Variants in SCAMP1 observed in about 807,000 individuals in gnomAD.
SCAMP1 encodes the protein secretory carrier membrane protein 1, also known as secretory carrier-associated membrane protein 1.
A neutral mutation model predicts 41.8 loss-of-function variants in SCAMP1; 15 were observed. The ratio of observed to expected loss-of-function variants is 0.36; its 90% CI spans 0.24 to 0.55. SCAMP1 has a LOEUF of 0.55. Among genes scored for constraint, SCAMP1 ranks in the 20% least tolerant of loss-of-function variants. The pLI, the probability that SCAMP1 is intolerant of heterozygous loss-of-function variation, is 0.86. For missense variants in SCAMP1, 341 were observed against 412.6 expected, an observed-to-expected ratio of 0.83 and a Z score of 1.50; for synonymous variants, 135 against 136.8, an observed-to-expected ratio of 0.99 and a Z score of 0.09.
intron 1 of SCAMP1, among the ~76,000 whole-genome samples, chr5:78,384,803 A>T (rs1345730407): frequency 6.6e-6 from 1 of 152,116 alleles, no homozygotes; most frequent in East Asian, 1.9e-4. Context: ...TTATGAAACC[A>T]CTTGATTATG....
intron 2 of SCAMP1, among the ~76,000 whole-genome samples, chr5:78,413,785 G>C (rs751422736): frequency 6.6e-6 from 1 of 152,138 alleles, no homozygotes; most frequent in Non-Finnish European, 1.5e-5. Flanking sequence ...GTTATGCGTG[G>C]CTTCCTTTTC....
intron 4 of SCAMP1, 124 bp from the exon 5 acceptor site, chr5:78,418,651 T>C (rs1039168793): frequency 5.0e-5 from 33 of 659,192 alleles, no homozygotes; most frequent in African/African-American, 4.7e-4. Flanking sequence ...TACAAAGATA[T>C]AGTTCTACAG....
intron 1 of SCAMP1, among the ~76,000 whole-genome samples, chr5:78,362,252 T>C (rs1435243967): frequency 2.0e-5 from 3 of 152,262 alleles, no homozygotes; most frequent in Admixed American, 1.3e-4. Flanking sequence ...AAGAACCTTT[T>C]AGCCTTTCCT....
intron 2 of SCAMP1, among the ~76,000 whole-genome samples, chr5:78,415,282 GTGTT>G (rs1752183139): frequency 6.6e-6 from 1 of 152,124 alleles, no homozygotes; most frequent in Non-Finnish European, 1.5e-5. Context: ...CTGGAGGAGA[GTGTT>G]TGTCATATAG....
intron 2 of SCAMP1, among the ~76,000 whole-genome samples, chr5:78,414,029 G>GT (rs1318302345): frequency 3.5e-5 from 5 of 141,186 alleles, no homozygotes; most frequent in Admixed American, 1.4e-4. Context: ...CTTGTTTTTT[G>GT]TTTTTTTCTT....
At chr5:78,367,485 T>C (rs1030439815) in intron 1 of SCAMP1, among the ~76,000 whole-genome samples, 3 of 152,232 alleles carry the variant, frequency 2.0e-5, no homozygotes, top group Admixed American at 6.5e-5. Context: ...CTGTCTTTCA[T>C]GTAGCCTCTC....
intron 1 of SCAMP1, among the ~76,000 whole-genome samples, chr5:78,388,300 C>T (rs1160664699): frequency 6.6e-6 from 1 of 152,138 alleles, no homozygotes; most frequent in Non-Finnish European, 1.5e-5. Flanking sequence ...ATGTATTATA[C>T]TTGGAAAAGG....
At chr5:78,373,635 C>T (rs1750998099) in intron 1 of SCAMP1, among the ~76,000 whole-genome samples, 1 of 152,094 alleles carries the variant, frequency 6.6e-6, no homozygotes, top group Non-Finnish European at 1.5e-5. Context: ...TATCTTTAGG[C>T]ATATTATCTT....
intron 2 of SCAMP1, among the ~76,000 whole-genome samples, chr5:78,405,861 CCAGA>C (rs1445961922): frequency 1.3e-5 from 2 of 152,118 alleles, no homozygotes; most frequent in Non-Finnish European, 2.9e-5. Context: ...ACGTCCTTCC[CCAGA>C]CAATTATCCT....
In SCAMP1 at chr5:78,421,933, G is replaced by C; in HGVS notation, c.605G>C (p.Trp202Ser). The C allele has an allele frequency of 6.2e-7, 1 of 1,612,992 alleles. No homozygotes were observed. The highest frequency in any genetic ancestry group is 8.5e-7 in the Non-Finnish European group (1 of 1,179,484). ...LLFTPCSFVC[W>S]YRPLYGAFRS... ...TTTACTCCTTGTTCATTTGTCTGTT[G>C]GTACAGACCACTTTATGGAGCTTTC... is the stretch of plus-strand genomic sequence containing the variant. The change falls in exon 6 of 9, where the codon TGG becomes TCG. Residue 202 changes from tryptophan (W) to serine (S), a missense_variant. Coordinates refer to ENST00000621999, the MANE Select transcript of SCAMP1 (RefSeq NM_004866.6).
chr5:78,429,129 C>G (rs530939982), intron 6 of SCAMP1, among the ~76,000 whole-genome samples: 1 of 152,166 alleles, frequency 6.6e-6, no homozygotes, highest in African/African-American at 2.4e-5. Flanking sequence ...TTTAATCAAT[C>G]CACCTTCCTT....
chr5:78,368,573 T>C, intron 1 of SCAMP1, among the ~76,000 whole-genome samples: 1 of 152,360 alleles, frequency 6.6e-6, no homozygotes, highest in East Asian at 1.9e-4. Flanking sequence ...TTAAAATTAA[T>C]AATCCTATAG....
chr5:78,384,511 G>A (rs1466454996), intron 1 of SCAMP1, among the ~76,000 whole-genome samples: 2 of 151,988 alleles, frequency 1.3e-5, no homozygotes, highest in Non-Finnish European at 2.9e-5. Flanking sequence ...AGTGGTGAAA[G>A]TGGGCATCCT....
intron 6 of SCAMP1, among the ~76,000 whole-genome samples, chr5:78,430,178 C>CTGT (rs1752576250): frequency 2.1e-5 from 1 of 47,176 alleles, no homozygotes; most frequent in African/African-American, 8.6e-5. Context: ...TTTATAAATA[C>CTGT]AGTATTTATT....
intron 6 of SCAMP1, among the ~76,000 whole-genome samples, chr5:78,447,190 G>T (rs921514292): frequency 2.6e-5 from 4 of 152,176 alleles, no homozygotes; most frequent in Non-Finnish European, 5.9e-5. Context: ...TGTCTTCCAC[G>T]AAACAGGTCC....
chr5:78,416,506 G>C lies in SCAMP1; in HGVS notation c.235-35G>C, dbSNP rs1315619788. Reference sequence around the variant, plus strand: ...AAATGTTAAAGTATTTTATACTTCTGACAGTCTATTCACATATTGATATTT... The same window carrying C: ...AAATGTTAAAGTATTTTATACTTCTCACAGTCTATTCACATATTGATATTT... On this transcript the variant is annotated intron_variant, in intron 3 of 8. Transcript: ENST00000621999. 11 of 1,454,638 alleles carry C rather than the reference G, an allele frequency of 7.6e-6. No homozygotes were observed. In the South Asian group the frequency reaches 1.4e-4, roughly 18 times the overall value. The allele number at this position is 1,454,638 out of a possible 1,614,324, so 90.1% of individuals were successfully genotyped here.
rs930914548 is a variant in SCAMP1, at chr5:78,403,534, C to T, written c.136-11986C>T. Among the ~76,000 whole-genome samples the T allele has an allele frequency of 3.3e-5, 5 of 152,086 alleles. No homozygotes were observed. In the East Asian group the frequency reaches 9.6e-4, roughly 29 times the overall value. The stretch of plus-strand genomic sequence containing the variant: ...GAAAAATAAGACGTGGTGTCTCATG[C>T]ATGTAATCAGCTTTGGGAGGCCAAG... On this transcript the variant is annotated intron_variant, in intron 2 of 8. Coordinates refer to ENST00000621999, the MANE Select transcript of SCAMP1 (RefSeq NM_004866.6).
intron 2 of SCAMP1, among the ~76,000 whole-genome samples, chr5:78,406,983 A>C (rs1484564665): frequency 6.6e-6 from 1 of 152,200 alleles, no homozygotes; most frequent in Non-Finnish European, 1.5e-5. Flanking sequence ...GTACAGCCAA[A>C]GTAGTGGCAG....
chr5:78,478,954 T>C lies in SCAMP1; in HGVS notation c.*3286T>C, dbSNP rs889925663. 1 of 152,182 alleles carries C rather than the reference T, an allele frequency of 6.6e-6. No homozygotes were observed. The highest frequency in any genetic ancestry group is 1.5e-5 in the Non-Finnish European group (1 of 67,982). 9.4% of individuals were successfully genotyped at this position (152,182 alleles called of 1,614,324 possible). ...ATGTATGGTTTGCATTTTAAGGGGA[T>C]TTATGTTAGGTTAATTAGTTGTTTC... On this transcript the variant is annotated 3_prime_UTR_variant, in exon 9 of 9. Transcript: ENST00000621999.
Sources: gnomAD v4.1 joint callset for allele counts (sites outside exome capture counted in the v4.1 genomes callset) on GRCh38, gnomAD v4.1.1 for gene constraint, MANE v1.5 for transcripts, NCBI Gene and HGNC (gene_info 2026-07-23, HGNC 2026-07-21) for gene names.